Variants in KLHL29 observed in about 807,000 individuals in gnomAD.
KLHL29 encodes the protein kelch like family member 29, also known as kelch-like protein 29.
KLHL29 carries 21 observed loss-of-function variants against 80.4 expected under a neutral mutation model. The observed-to-expected ratio is 0.26, with a 90% CI of 0.19 to 0.38. KLHL29 has a LOEUF of 0.38. Ranked by LOEUF, KLHL29 falls within the 10% of genes least tolerant of loss-of-function variation. The probability of loss-of-function intolerance (pLI) is 1.00; values close to 1 mark genes in which losing one functional copy is unlikely to be tolerated. For missense variants in KLHL29, 867 were observed against 1,223.9 expected (o/e 0.71, Z 4.35); for synonymous variants, 511 against 526.8 (o/e 0.97, Z 0.41).
Position 23,642,780 on chromosome 2 carries a change from C to T in KLHL29, c.870C>T (p.Ala290=). ...ATGGGCCCCCCACAACCGACTCGGC[C>T]CACGGGCTGCAGATGCTGCGGACCA... The part of the protein sequence containing the change: ...ATNGPPTTDS[A]HGLQMLRTIG... The change falls in exon 5 of 14, where the codon GCC becomes GCT. Residue 290 remains alanine, a synonymous_variant. Coordinates refer to ENST00000486442, the MANE Select transcript of KLHL29 (RefSeq NM_052920.2). 6.4e-7 allele frequency: 1 copy of T among 1,550,416 alleles called. No individual in the cohort carries two copies. The highest frequency in any genetic ancestry group is 8.7e-7 in the Non-Finnish European group (1 of 1,146,878).
chr2:23,513,625 G>A (rs577925194), intron 2 of KLHL29, among the ~76,000 whole-genome samples: 4 of 152,216 alleles, frequency 2.6e-5, no homozygotes, highest in South Asian at 2.1e-4. Context: ...ACCGCTTGAC[G>A]TGATAATCCA....
intron 2 of KLHL29, chr2:23,524,096 C>T (rs745862183): frequency 6.4e-6 from 3 of 469,794 alleles, no homozygotes; most frequent in South Asian, 4.7e-5. Context: ...CCCCATGACA[C>T]CTCAGTGTCG....
chr2:23,600,719 G>T (rs1442880287), intron 3 of KLHL29, among the ~76,000 whole-genome samples: 1 of 152,182 alleles, frequency 6.6e-6, no homozygotes, highest in Non-Finnish European at 1.5e-5. Context: ...AAGGAAGGGG[G>T]CTCAGAGAAG....
At chr2:23,397,286 C>T (rs1184217686) in intron 1 of KLHL29, among the ~76,000 whole-genome samples, 2 of 152,270 alleles carry the variant, frequency 1.3e-5, no homozygotes, top group Non-Finnish European at 2.9e-5. Context: ...CCCCTCCCCA[C>T]AGGCTCTCCC....
At chr2:23,630,219 C>T (rs980853901) in intron 3 of KLHL29, among the ~76,000 whole-genome samples, 12 of 152,192 alleles carry the variant, frequency 7.9e-5, no homozygotes, top group East Asian at 5.8e-4. Context: ...GAGGCCCTGT[C>T]GGGCTGGACA....
At chr2:23,656,347 G>A (rs544029913) in intron 5 of KLHL29, among the ~76,000 whole-genome samples, 58 of 152,228 alleles carry the variant, frequency 3.8e-4, no homozygotes, top group Non-Finnish European at 7.9e-4. Flanking sequence ...AGAGACCCCA[G>A]AGCAGAGAAC....
At chr2:23,556,707 C>T (rs1266554267) in intron 2 of KLHL29, among the ~76,000 whole-genome samples, 1 of 152,000 alleles carries the variant, frequency 6.6e-6, no homozygotes, top group Non-Finnish European at 1.5e-5. Context: ...CTCCCGTCTC[C>T]TGGCCAGCAT....
intron 3 of KLHL29, among the ~76,000 whole-genome samples, chr2:23,571,381 C>G (rs1287604378): frequency 2.0e-5 from 3 of 152,212 alleles, no homozygotes; most frequent in African/African-American, 7.2e-5. Context: ...GGCATTGCTG[C>G]CCATTTGCCC....
intron 3 of KLHL29, among the ~76,000 whole-genome samples, chr2:23,594,101 A>G (rs1668335381): frequency 6.6e-6 from 1 of 152,114 alleles, no homozygotes; most frequent in Non-Finnish European, 1.5e-5. Flanking sequence ...CCCTTGGAGG[A>G]GGGGATTTAA....
rs769232022 is a variant in KLHL29 at position 23,639,243 on chromosome 2, G to A, written c.390G>A (p.Glu130=). 5 of 1,548,822 alleles carry A rather than the reference G, an allele frequency of 3.2e-6. No individual in the cohort carries two copies. In the African/African-American group the frequency reaches 4.1e-5, roughly 13 times the overall value. Reference sequence around the variant, plus strand: ...AGTCCACACCCTGGGACACTGATGAGCCACCCTCCAAACAGATGAGAGAGA... The same window carrying A: ...AGTCCACACCCTGGGACACTGATGAACCACCCTCCAAACAGATGAGAGAGA... The part of the protein sequence containing the change: ...INQSTPWDTD[E]PPSKQMRESD... Residue 130 remains glutamate (E), a synonymous_variant, in exon 4 of 14, where the codon GAG becomes GAA. Coordinates refer to ENST00000486442, the MANE Select transcript of KLHL29 (RefSeq NM_052920.2).
At chr2:23,536,471 A>T (rs76603446) in intron 2 of KLHL29, among the ~76,000 whole-genome samples, 5,219 of 152,136 alleles carry the variant, frequency 0.034, 105 homozygotes, top group African/African-American at 0.062. Context: ...TGCCGTGGAG[A>T]GTTTAAAGGA....
intron 2 of KLHL29, among the ~76,000 whole-genome samples, chr2:23,542,474 T>C (rs1572389788): frequency 6.6e-6 from 1 of 152,236 alleles, no homozygotes; most frequent in East Asian, 1.9e-4. Flanking sequence ...CCATGGGGCA[T>C]GTGTGCTCTG....
chr2:23,555,199 G>C (rs1488597701), intron 2 of KLHL29, among the ~76,000 whole-genome samples: 1 of 152,102 alleles, frequency 6.6e-6, no homozygotes, highest in Non-Finnish European at 1.5e-5. Flanking sequence ...CTAGCACAGA[G>C]GGCCTCGGGA....
intron 2 of KLHL29, among the ~76,000 whole-genome samples, chr2:23,548,075 C>T (rs540567243): frequency 0.074 from 16 of 216 alleles, no homozygotes; most frequent in African/African-American, 0.16. Flanking sequence ...TATGTCAAGC[C>T]GAGGCAGGGC....
chr2:23,638,647 G>A (rs1030988851), intron 3 of KLHL29, among the ~76,000 whole-genome samples: 1 of 152,220 alleles, frequency 6.6e-6, no homozygotes, highest in Non-Finnish European at 1.5e-5. Context: ...CTCACCTGCT[G>A]TCTGCTGGTG....
At chr2:23,588,567 TC>T (rs1390885348) in intron 3 of KLHL29, among the ~76,000 whole-genome samples, 1 of 152,214 alleles carries the variant, frequency 6.6e-6, no homozygotes, top group Non-Finnish European at 1.5e-5. Context: ...GTGTGGTGCT[TC>T]TTAGACTGTG....
intron 1 of KLHL29, among the ~76,000 whole-genome samples, chr2:23,440,291 C>G (rs1409560008): frequency 6.6e-6 from 1 of 151,892 alleles, no homozygotes; most frequent in Non-Finnish European, 1.5e-5. Context: ...AAAGCTGAAA[C>G]TGGATCCCTT....
chr2:23,582,999 G>T (rs1668024925), intron 3 of KLHL29, among the ~76,000 whole-genome samples: 1 of 152,160 alleles, frequency 6.6e-6, no homozygotes. Flanking sequence ...AAGGAGATTT[G>T]ACAACACAGA....
intron 1 of KLHL29, among the ~76,000 whole-genome samples, chr2:23,454,699 C>G (rs1170413867): frequency 6.6e-6 from 1 of 152,098 alleles, no homozygotes; most frequent in Admixed American, 6.5e-5. Flanking sequence ...GACTGCTAAG[C>G]ACTCTGCTTG....
Sources: gnomAD v4.1 joint callset for allele counts (sites outside exome capture counted in the v4.1 genomes callset) on GRCh38, gnomAD v4.1.1 for gene constraint, MANE v1.5 for transcripts, NCBI Gene and HGNC (gene_info 2026-07-23, HGNC 2026-07-21) for gene names.